Variants in CSF2RB observed in about 807,000 individuals in gnomAD.
CSF2RB encodes colony stimulating factor 2 receptor subunit beta.
Under a neutral mutation model 67.2 loss-of-function variants are expected in CSF2RB, and 22 were observed. The observed-to-expected ratio is 0.33, with a 90% CI of 0.23 to 0.47. The LOEUF (loss-of-function observed/expected upper bound fraction) is 0.47, where lower values mean the gene tolerates loss of function less well. CSF2RB is among the 20% of genes least tolerant of loss of function. The probability of loss-of-function intolerance (pLI) is 1.00; values close to 1 mark genes in which losing one functional copy is unlikely to be tolerated. For synonymous variants in CSF2RB, 507 were observed against 482.9 expected (o/e 1.05, Z -0.65); for missense variants, 1,113 against 1,174.5 (o/e 0.95, Z 0.76).
chr22:36,914,846 A>G (rs1356514827), intron 1 of CSF2RB, among the ~76,000 whole-genome samples: 1 of 152,164 alleles, frequency 6.6e-6, no homozygotes, highest in Non-Finnish European at 1.5e-5. Flanking sequence ...TACCAACACC[A>G]CAGGATAATT....
intron 1 of CSF2RB, among the ~76,000 whole-genome samples, chr22:36,919,206 G>A (rs1940793170): frequency 6.6e-6 from 1 of 152,170 alleles, no homozygotes; most frequent in African/African-American, 2.4e-5. Context: ...TTTCAGACTA[G>A]GTAGCTGACA....
At chr22:36,933,550 T>G (rs975881748) in intron 9 of CSF2RB, among the ~76,000 whole-genome samples, 13 of 152,190 alleles carry the variant, frequency 8.5e-5, no homozygotes, top group African/African-American at 3.1e-4. Flanking sequence ...GGCTGGGAGC[T>G]GAGAAGGCTC....
chr22:36,915,163 CA>C (rs1369121314), intron 1 of CSF2RB, among the ~76,000 whole-genome samples: 2 of 152,184 alleles, frequency 1.3e-5, no homozygotes, highest in Admixed American at 1.3e-4. Flanking sequence ...TGGCTCACTG[CA>C]ACCTCTGCCT....
At chr22:36,914,891 C>G (rs760723535) in intron 1 of CSF2RB, among the ~76,000 whole-genome samples, 3 of 152,144 alleles carry the variant, frequency 2.0e-5, no homozygotes, top group Non-Finnish European at 4.4e-5. Context: ...TAATGCTAAA[C>G]AAGCAACTAC....
chr22:36,922,533 C>T (rs892248374), intron 2 of CSF2RB: 10 of 586,242 alleles, frequency 1.7e-5, no homozygotes, highest in Admixed American at 5.9e-5. Flanking sequence ...GCGGCACTCC[C>T]GGCCCCTAGG....
chr22:36,923,938 A>C (rs997048269), intron 3 of CSF2RB: 5 of 430,056 alleles, frequency 1.2e-5, no homozygotes, highest in Admixed American at 3.4e-5. Context: ...CACCTCTCCC[A>C]CCCAAGCTCT....
intron 3 of CSF2RB, among the ~76,000 whole-genome samples, chr22:36,925,491 G>A (rs1302740069): frequency 1.3e-5 from 2 of 152,154 alleles, no homozygotes; most frequent in Non-Finnish European, 2.9e-5. Flanking sequence ...CCATCATGTA[G>A]ATGGATGGGT....
At chr22:36,933,195 G>A (rs1250900014) in intron 9 of CSF2RB, among the ~76,000 whole-genome samples, 2 of 152,258 alleles carry the variant, frequency 1.3e-5, no homozygotes, top group East Asian at 3.8e-4. Flanking sequence ...AAGGCCACTG[G>A]GAAGAAGGTT....
intron 3 of CSF2RB, 85 bp from the exon 4 acceptor site, chr22:36,925,902 C>G: frequency 1.4e-6 from 2 of 1,434,880 alleles, no homozygotes; most frequent in Admixed American, 3.5e-5. Flanking sequence ...TGAACAGAGC[C>G]AGGCATGTGG....
At chr22:36,931,103 C>T (rs1941139530) in intron 8 of CSF2RB, among the ~76,000 whole-genome samples, 2 of 152,230 alleles carry the variant, frequency 1.3e-5, no homozygotes, top group African/African-American at 4.8e-5. Flanking sequence ...CACTGCTAGC[C>T]ACACCCTCCT....
At chr22:36,923,168 C>A in intron 2 of CSF2RB, 76 bp from the exon 3 acceptor site, 1 of 1,611,244 alleles carries the variant, frequency 6.2e-7, no homozygotes, top group South Asian at 1.1e-5. Flanking sequence ...GCGGGACATC[C>A]CAAAGCAGCT....
At chr22:36,929,175 G>A (rs575825962) in intron 4 of CSF2RB, among the ~76,000 whole-genome samples, 25 of 152,330 alleles carry the variant, frequency 1.6e-4, no homozygotes, top group Non-Finnish European at 2.8e-4. Flanking sequence ...TTCGGGTCAC[G>A]TGCGCATTGC....
rs1203154260 is a variant in CSF2RB at position 36,937,666 on chromosome 22, T to C, written c.1858T>C (p.Ser620Pro). Residue 620 changes from serine to proline, a missense_variant, in exon 14 of 14, where the codon TCC (serine) becomes CCC (proline). Physicochemically the swap from Ser to Pro is moderately conservative, Grantham distance 74. Around this residue, in one of 2 missense-constraint regions of CSF2RB, gnomAD observed 554 missense variants for 517.9 expected, o/e 1.07. Coordinates refer to ENST00000403662, the MANE Select transcript of CSF2RB (RefSeq NM_000395.3). This position sits in a 1 kb window ranked among gnomAD's most constrained non-coding sequence, Gnocchi z 4.6. ...CCCACAGGAGGGTGGGAGCCAGAAG[T>C]CCCCACCTCCAGGGTCCCTGGAGTA... ...EPPQEGGSQK[S>P]PPPGSLEYLC... The C allele has an allele frequency of 6.4e-7, 1 of 1,554,376 alleles. No individual in the cohort carries two copies. Among genetic ancestry groups the C allele is most frequent in the Admixed American group, 1.9e-5 (1 of 51,300 alleles).
At chr22:36,921,976 G>A (rs574731239) in intron 1 of CSF2RB, 60 bp from the exon 2 acceptor site, 613 of 592,502 alleles carry the variant, frequency 1.0e-3, no homozygotes, top group Non-Finnish European at 1.4e-3. Context: ...CAACACGGGC[G>A]GTGTCCCTGG....
At chr22:36,928,130 G>A (rs1410185330) in intron 4 of CSF2RB, among the ~76,000 whole-genome samples, 1 of 152,184 alleles carries the variant, frequency 6.6e-6, no homozygotes, top group Non-Finnish European at 1.5e-5. Context: ...ATGAATCAAG[G>A]ATGCTGGGAG....
chr22:36,925,082 C>T (rs770107257), intron 3 of CSF2RB, among the ~76,000 whole-genome samples: 30 of 152,262 alleles, frequency 2.0e-4, no homozygotes, highest in Non-Finnish European at 2.9e-4. Context: ...CTCACCCGAG[C>T]TGCGCTGCTG....
chr22:36,934,838 C>T (rs80033158), intron 10 of CSF2RB, among the ~76,000 whole-genome samples: 4,104 of 152,238 alleles, frequency 0.027, 191 homozygotes, highest in African/African-American at 0.095. Context: ...GAAAGGAGGC[C>T]GGACCAATGG....
In CSF2RB at chr22:36,937,230, A is replaced by T; in HGVS notation, c.1569-147A>T. On this transcript the variant is annotated intron_variant, in intron 13 of 13. Transcript: ENST00000403662. The surrounding 1 kb of genome is among the most constrained non-coding windows in gnomAD (Gnocchi z 4.6). ...CTTCTCTGGGGCCCCTGCTCCCTCAACCCTGTCCCGTTCAGGTTCTCTCTG... is the reference window on the plus strand; with the variant it reads ...CTTCTCTGGGGCCCCTGCTCCCTCATCCCTGTCCCGTTCAGGTTCTCTCTG... The T allele has an allele frequency of 9.7e-7, 1 of 1,028,656 alleles. No individual in the cohort carries two copies. Among genetic ancestry groups the T allele is most frequent in the East Asian group, 2.5e-5 (1 of 39,518 alleles). 63.7% of individuals were successfully genotyped at this position (1,028,656 alleles called of 1,614,324 possible).
rs1235930492 is a variant in CSF2RB, at chr22:36,929,326, A to C, written c.392-76A>C. ...GGGTGGCCTGGAACCCCCTGTGTCC[A>C]CACAAAAGGCCATGCAGGCCCTGAC... On this transcript the variant is annotated intron_variant, in intron 4 of 13. Coordinates refer to ENST00000403662, the MANE Select transcript of CSF2RB (RefSeq NM_000395.3). 4.4e-6 allele frequency: 7 copies of C among 1,604,412 alleles called. No individual in the cohort carries two copies. The East Asian group carries it at 1.6e-4, about 36-fold the overall frequency.
Sources: gnomAD v4.1 joint callset for allele counts (sites outside exome capture counted in the v4.1 genomes callset) on GRCh38, gnomAD v4.1.1 for gene constraint, gnomAD v4.1.1 regional missense constraint, Gnocchi (gnomAD v3.1) non-coding constraint, MANE v1.5 for transcripts, NCBI Gene and HGNC (gene_info 2026-07-23, HGNC 2026-07-21) for gene names.